MOCOS: variants seen among roughly 807,000 people sequenced by gnomAD.
The protein encoded by MOCOS is molybdenum cofactor sulfurase.
A neutral mutation model predicts 83.6 loss-of-function variants in MOCOS; 86 were observed. The observed-to-expected ratio is 1.03, with a 90% CI of 0.86 to 1.23. The LOEUF is 1.23. MOCOS is among the 50% of genes most tolerant of loss of function. The probability of loss-of-function intolerance (pLI) is 0.00; values close to 1 mark genes in which losing one functional copy is unlikely to be tolerated. For synonymous variants in MOCOS, 445 were observed against 434.7 expected, an observed-to-expected ratio of 1.02 and a Z score of -0.29; for missense variants, 1,120 against 1,126.9, an observed-to-expected ratio of 0.99 and a Z score of 0.09.
At chr18:36,268,009 C>T (rs2091687281) in intron 14 of MOCOS, among the ~76,000 whole-genome samples, 1 of 152,188 alleles carries the variant, frequency 6.6e-6, no homozygotes, top group Admixed American at 6.5e-5. Context: ...GTCAAGTCCT[C>T]CAAAGGGTCC....
chr18:36,223,265 T>C (rs774454092), intron 9 of MOCOS, among the ~76,000 whole-genome samples: 15 of 152,364 alleles, frequency 9.8e-5, no homozygotes, highest in South Asian at 4.1e-4. Context: ...TTGAAGTTTT[T>C]GTATGATGTA....
chr18:36,198,799 G>C (rs1322935318), intron 3 of MOCOS, 43 bp downstream of exon 3: 1 of 1,598,618 alleles, frequency 6.3e-7, no homozygotes, highest in Non-Finnish European at 8.6e-7. Context: ...TACCTAGGCA[G>C]ACAGACTTCC....
chr18:36,233,808 T>C (rs1233131144), intron 9 of MOCOS, among the ~76,000 whole-genome samples: 1 of 152,222 alleles, frequency 6.6e-6, no homozygotes, highest in African/African-American at 2.4e-5. Context: ...CATTTTCTCA[T>C]GTTTGTTGGC....
chr18:36,215,450 G>T, intron 7 of MOCOS, 66 bp from the exon 8 acceptor site: 1 of 1,468,494 alleles, frequency 6.8e-7, no homozygotes, highest in South Asian at 1.2e-5. Context: ...TTATTTTGCC[G>T]AACTGTTTCC....
At chr18:36,254,499 TATAG>T (rs1231948446) in intron 11 of MOCOS, among the ~76,000 whole-genome samples, 3 of 60,234 alleles carry the variant, frequency 5.0e-5, no homozygotes, top group Admixed American at 4.7e-4. Flanking sequence ...TGTGTGTGTG[TATAG>T]AGAGAGAGAG....
chr18:36,215,843 C>A lies in MOCOS; in HGVS notation c.1663C>A (p.Pro555Thr). The change falls in exon 8 of 15, where the codon CCA (proline) becomes ACA (threonine). Residue 555 changes from proline (P) to threonine (T), a missense_variant. By Grantham distance (38) the Pro-to-Thr change is conservative. Transcript: ENST00000261326. ...TACTGTGAATGCTGTGCCTGTGGCC[C>A]CACCTGTGTGTGATGTCGCCAGAAC... is the stretch of plus-strand genomic sequence containing the variant. ...SSTVNAVPVAPPVCDVARTQP... is the reference protein window; with the variant it reads ...SSTVNAVPVATPVCDVARTQP... 2 of 1,614,194 alleles carry A rather than the reference C, an allele frequency of 1.2e-6. No homozygotes were observed. Among genetic ancestry groups the A allele is most frequent in the South Asian group, 2.2e-5 (2 of 91,078 alleles).
At chr18:36,219,838 A>G (rs906129967) in intron 8 of MOCOS, among the ~76,000 whole-genome samples, 2 of 152,170 alleles carry the variant, frequency 1.3e-5, no homozygotes, top group African/African-American at 2.4e-5. Context: ...AGAAGGGTGG[A>G]GTGTGGACCT....
intron 6 of MOCOS, among the ~76,000 whole-genome samples, chr18:36,209,443 G>A (rs757950976): frequency 2.0e-5 from 3 of 152,118 alleles, no homozygotes; most frequent in Non-Finnish European, 4.4e-5. Flanking sequence ...CGTCACTTAA[G>A]CAGTGTACAC....
chr18:36,188,137 G>C (rs556438907), intron 1 of MOCOS, among the ~76,000 whole-genome samples: 52 of 152,332 alleles, frequency 3.4e-4, no homozygotes, highest in African/African-American at 1.2e-3. Context: ...CGCCAGGTTG[G>C]GACCGGGAGG....
chr18:36,265,330 T>C (rs1262071324), intron 13 of MOCOS, among the ~76,000 whole-genome samples: 2 of 152,226 alleles, frequency 1.3e-5, no homozygotes, highest in Non-Finnish European at 2.9e-5. Context: ...ATCTCAGAAA[T>C]GCAAGCATGA....
At chr18:36,227,811 T>C (rs772637170) in intron 9 of MOCOS, among the ~76,000 whole-genome samples, 84 of 152,214 alleles carry the variant, frequency 5.5e-4, no homozygotes, top group Non-Finnish European at 8.7e-4. Context: ...CAAAAGCAAT[T>C]GCAACAAAAG....
chr18:36,225,026 T>C (rs1356689110), intron 9 of MOCOS, among the ~76,000 whole-genome samples: 1 of 152,232 alleles, frequency 6.6e-6, no homozygotes, highest in Non-Finnish European at 1.5e-5. Flanking sequence ...TCTTCTAGGT[T>C]ATCCAGTTTG....
chr18:36,194,018 A>T (rs2091376938), intron 1 of MOCOS, among the ~76,000 whole-genome samples: 1 of 152,260 alleles, frequency 6.6e-6, no homozygotes, highest in Admixed American at 6.5e-5. Flanking sequence ...ACATTATGCT[A>T]AATTAAAGAA....
intron 9 of MOCOS, among the ~76,000 whole-genome samples, chr18:36,247,746 T>C (rs2091607635): frequency 6.6e-6 from 1 of 152,242 alleles, no homozygotes. Context: ...ACTCAAATTT[T>C]TGGCCATCTT....
chr18:36,260,161 T>A lies in MOCOS; in HGVS notation c.2395T>A (p.Ser799Thr). The change falls in exon 13 of 15, where the codon TCT becomes ACT. Residue 799 changes from serine to threonine, a missense_variant. Physicochemically the swap from Ser to Thr is moderately conservative, Grantham distance 58. Transcript: ENST00000261326. ...GAAATGGGATGAGATTTCAATTGGC[T>A]CTTTGCGTTTCCAGGTAAGTTTGGG... ...EEKWDEISIGSLRFQVLGPCH... is the reference protein window; with the variant it reads ...EEKWDEISIGTLRFQVLGPCH... 1 of 1,614,174 alleles carries A rather than the reference T, an allele frequency of 6.2e-7. No individual in the cohort carries two copies. Among genetic ancestry groups the A allele is most frequent in the Non-Finnish European group, 8.5e-7 (1 of 1,180,026 alleles).
intron 9 of MOCOS, among the ~76,000 whole-genome samples, chr18:36,225,157 G>A (rs1402504271): frequency 2.7e-5 from 4 of 150,168 alleles, no homozygotes; most frequent in African/African-American, 9.8e-5. Flanking sequence ...TTTTTGTTTT[G>A]TTTGTTTGTT....
chr18:36,199,316 G>A lies in MOCOS; in HGVS notation c.300-367G>A, dbSNP rs925930465. Among the ~76,000 whole-genome samples the A allele has an allele frequency of 3.3e-5, 5 of 152,274 alleles. No homozygotes were observed. In the East Asian group the frequency reaches 9.6e-4, roughly 29 times the overall value. Reference sequence around the variant, plus strand: ...TCAAATGTGAAAGTGATACTGTTTTGCTATTAGAGTTGCCAAAACTAAAAG... The same window carrying A: ...TCAAATGTGAAAGTGATACTGTTTTACTATTAGAGTTGCCAAAACTAAAAG... On this transcript the variant is annotated intron_variant, in intron 3 of 14. Coordinates refer to ENST00000261326, the MANE Select transcript of MOCOS (RefSeq NM_017947.4).
intron 9 of MOCOS, among the ~76,000 whole-genome samples, chr18:36,239,923 A>G (rs2091574494): frequency 1.3e-5 from 2 of 151,590 alleles, no homozygotes; most frequent in African/African-American, 4.9e-5. Flanking sequence ...CCAGTTGATC[A>G]CATCAGCTCC....
At chr18:36,212,465 A>G (rs1022835888) in intron 6 of MOCOS, among the ~76,000 whole-genome samples, 8 of 152,158 alleles carry the variant, frequency 5.3e-5, no homozygotes, top group African/African-American at 1.9e-4. Flanking sequence ...CAGGCCCAGT[A>G]GAGCTGCCAG....
Sources: allele counts gnomAD v4.1 joint callset (sites outside exome capture counted in the v4.1 genomes callset), GRCh38; gene constraint gnomAD v4.1.1; transcripts MANE v1.5; gene names NCBI Gene and HGNC (gene_info 2026-07-23, HGNC 2026-07-21).